The following DPH6 variants were observed in gnomAD, a reference collection of about 807,000 sequenced individuals.
The protein encoded by DPH6 is diphthine--ammonia ligase.
DPH6 carries 33 observed loss-of-function variants against 38.2 expected under a neutral mutation model. That is an observed-to-expected ratio of 0.86 (90% CI 0.65 to 1.15). DPH6 has a LOEUF of 1.15. Among genes scored for constraint, DPH6 ranks in the 50% most tolerant of loss-of-function variants. The pLI, the probability that DPH6 is intolerant of heterozygous loss-of-function variation, is 0.00. For missense variants in DPH6, 325 were observed against 320.0 expected (o/e 1.02, Z -0.12); for synonymous variants, 108 against 103.0 (o/e 1.05, Z -0.30).
At chr15:35,167,812 T>A in the DPH6 span, among the ~76,000 whole-genome samples, 1 of 152,168 alleles carries the variant, frequency 6.6e-6, no homozygotes, top group East Asian at 1.9e-4. Context: ...TCTTTCTGAA[T>A]GTCATCACCT....
chr15:35,443,190 T>C (rs564039691), intron 5 of DPH6, among the ~76,000 whole-genome samples: 1 of 152,326 alleles, frequency 6.6e-6, no homozygotes, highest in South Asian at 2.1e-4. Context: ...TCAGAAATTA[T>C]ATCATCAGTA....
chr15:35,436,390 A>C (rs370292803), intron 5 of DPH6, among the ~76,000 whole-genome samples: 289 of 151,852 alleles, frequency 1.9e-3, no homozygotes, highest in East Asian at 9.8e-3. Context: ...GGCGTGAACC[A>C]GGGAGGCGGA....
At chr15:35,411,632 G>GA (rs1323779868) in intron 5 of DPH6, among the ~76,000 whole-genome samples, 2 of 151,004 alleles carry the variant, frequency 1.3e-5, no homozygotes, top group South Asian at 2.1e-4. Context: ...AACCAGCTAG[G>GA]AAAAAAAATC....
At chr15:35,175,076 T>C in the DPH6 span, among the ~76,000 whole-genome samples, 10 of 152,224 alleles carry the variant, frequency 6.6e-5, no homozygotes, top group Non-Finnish European at 1.3e-4. Flanking sequence ...GTCCACTTGA[T>C]ATTAGTGACT....
rs1595559199 is a variant in DPH6, at chr15:35,434,030, G to T, written c.505+16655C>A. On this transcript the variant is annotated intron_variant, in intron 5 of 8. Transcript: ENST00000256538. ...CTACAATATATAAATCAACTGTCAG[G>T]GTACCAAAGCATCTTGCCGTGAAAA... Among the ~76,000 whole-genome samples, 3 of 152,038 alleles carry T rather than the reference G, an allele frequency of 2.0e-5. No homozygotes were observed. The East Asian group carries it at 5.8e-4, about 29-fold the overall frequency.
chr15:35,488,274 T>A (rs1306506738), intron 3 of DPH6, among the ~76,000 whole-genome samples: 1 of 152,202 alleles, frequency 6.6e-6, no homozygotes, highest in African/African-American at 2.4e-5. Context: ...CCAAGCTACT[T>A]CCACATTTTC....
chr15:35,230,971 T>G (rs937994852), intron 3 of DPH6, among the ~76,000 whole-genome samples: 2 of 152,234 alleles, frequency 1.3e-5, no homozygotes, highest in South Asian at 2.1e-4. Flanking sequence ...AGCCTGGGTT[T>G]AGGGGCGGGG....
chr15:35,267,471 A>G (rs947630483), intron 3 of DPH6, among the ~76,000 whole-genome samples: 1 of 152,086 alleles, frequency 6.6e-6, no homozygotes, highest in African/African-American at 2.4e-5. Flanking sequence ...CCTTATTCCT[A>G]CTTCCTTACT....
intron 3 of DPH6, among the ~76,000 whole-genome samples, chr15:35,534,140 G>A (rs2055131256): frequency 6.6e-6 from 1 of 152,104 alleles, no homozygotes; most frequent in South Asian, 2.1e-4. Context: ...CACTTAGGGA[G>A]GCCGAGGTGG....
At chr15:35,277,427 T>A (rs572721316) in intron 3 of DPH6, among the ~76,000 whole-genome samples, 46 of 152,278 alleles carry the variant, frequency 3.0e-4, no homozygotes, top group African/African-American at 1.1e-3. Flanking sequence ...CCCCCTCTTG[T>A]CTGACTGCTC....
chr15:35,398,349 T>C (rs752392560), intron 6 of DPH6, among the ~76,000 whole-genome samples: 4 of 152,192 alleles, frequency 2.6e-5, no homozygotes, highest in Non-Finnish European at 5.9e-5. Context: ...TTGGAACTTA[T>C]AGCCCTATCC....
chr15:35,388,820 G>T (rs939897729), intron 6 of DPH6, among the ~76,000 whole-genome samples: 5 of 152,074 alleles, frequency 3.3e-5, no homozygotes, highest in African/African-American at 1.2e-4. Context: ...TTTTTGAAGG[G>T]TTTTTTGTGT....
chr15:35,352,333 GGTTT>G (rs376639875), intron 3 of DPH6, among the ~76,000 whole-genome samples: 4,836 of 152,028 alleles, frequency 0.032, 233 homozygotes, highest in African/African-American at 0.11. Flanking sequence ...ACAACGTGCA[GGTTT>G]GTTACATATG....
intron 7 of DPH6, 86 bp downstream of exon 7, chr15:35,381,736 A>G (rs2052869218): frequency 9.5e-7 from 1 of 1,056,026 alleles, no homozygotes; most frequent in African/African-American, 1.6e-5. Flanking sequence ...ATTTTTCCCA[A>G]CAAAAGTTGC....
At chr15:35,358,225 A>T (rs1339474647) in intron 3 of DPH6, among the ~76,000 whole-genome samples, 1 of 151,798 alleles carries the variant, frequency 6.6e-6, no homozygotes, top group African/African-American at 2.4e-5. Flanking sequence ...AAGTTTTCTG[A>T]ATTTTTGATT....
chr15:35,165,503 C>T, the DPH6 span, among the ~76,000 whole-genome samples: 1 of 151,800 alleles, frequency 6.6e-6, no homozygotes, highest in African/African-American at 2.4e-5. Context: ...AATTCCATAA[C>T]TATAGGTGTT....
chr15:35,159,043 A>C, the DPH6 span, among the ~76,000 whole-genome samples: 1 of 152,078 alleles, frequency 6.6e-6, no homozygotes, highest in Non-Finnish European at 1.5e-5. Context: ...TATATAGTCG[A>C]TGTATACTTC....
chr15:35,462,902 A>C (rs2054082742), intron 3 of DPH6, among the ~76,000 whole-genome samples: 1 of 152,148 alleles, frequency 6.6e-6, no homozygotes. Flanking sequence ...TACTTAAACA[A>C]TGACCTAAAA....
chr15:35,391,547 G>A (rs1165029441), intron 6 of DPH6, among the ~76,000 whole-genome samples: 1 of 152,182 alleles, frequency 6.6e-6, no homozygotes, highest in Non-Finnish European at 1.5e-5. Context: ...AATGGTGGGC[G>A]CCCCTCCCCC....
Sources: allele counts gnomAD v4.1 joint callset (sites outside exome capture counted in the v4.1 genomes callset), GRCh38; gene constraint gnomAD v4.1.1; transcripts MANE v1.5; gene names NCBI Gene and HGNC (gene_info 2026-07-23, HGNC 2026-07-21).